Variants in DAAM2 observed in about 807,000 individuals in gnomAD.
DAAM2 encodes disheveled-associated activator of morphogenesis 2.
In DAAM2, 39 loss-of-function variants were observed where a neutral mutation model predicts 120.7. That is an observed-to-expected ratio of 0.32 (90% CI 0.25 to 0.42). The LOEUF is 0.42. Ranked by LOEUF, DAAM2 falls within the 10% of genes least tolerant of loss-of-function variation. DAAM2 has a pLI of 1.00. For missense variants in DAAM2, 1,283 were observed against 1,401.7 expected, an observed-to-expected ratio of 0.92 and a Z score of 1.35; for synonymous variants, 488 against 524.9, an observed-to-expected ratio of 0.93 and a Z score of 0.96.
At chr6:39,895,894 T>G (rs185730239) in intron 19 of DAAM2, among the ~76,000 whole-genome samples, 163 of 152,368 alleles carry the variant, frequency 1.1e-3, no homozygotes, top group Non-Finnish European at 2.5e-4. Flanking sequence ...GCCCAAAGGT[T>G]GGAAAAATCT....
intron 17 of DAAM2, among the ~76,000 whole-genome samples, chr6:39,889,987 G>A (rs1479525154): frequency 6.6e-6 from 1 of 152,122 alleles, no homozygotes; most frequent in Non-Finnish European, 1.5e-5. Context: ...AATTAGCCAG[G>A]TGTGATGGTG....
chr6:39,869,126 G>T (rs1417443249), intron 7 of DAAM2, among the ~76,000 whole-genome samples, 193 bp downstream of exon 7: 1 of 152,144 alleles, frequency 6.6e-6, no homozygotes, highest in Non-Finnish European at 1.5e-5. Flanking sequence ...GGCTCAGGGT[G>T]GCAGAGAATC....
chr6:39,886,917 G>A (rs1389517529), intron 15 of DAAM2: 1 of 157,654 alleles, frequency 6.3e-6, no homozygotes, highest in Non-Finnish European at 1.4e-5. Flanking sequence ...TCTGCCTGCT[G>A]GGACTCAGAG....
At chr6:39,799,795 G>A (rs1007415029) in intron 1 of DAAM2, among the ~76,000 whole-genome samples, 2 of 152,076 alleles carry the variant, frequency 1.3e-5, no homozygotes, top group African/African-American at 4.8e-5. Flanking sequence ...GATATATAAA[G>A]ACAAGTAGAA....
At chr6:39,864,851 A>G (rs1230332634) in intron 4 of DAAM2, 129 bp from the exon 5 acceptor site, 1 of 1,158,004 alleles carries the variant, frequency 8.6e-7, no homozygotes. Flanking sequence ...AGGGGCCGAC[A>G]CTCGGTCTCA....
At position 39,851,018 on chromosome 6, in the gene DAAM2, T is replaced by C. The variant is rs541860828; in HGVS notation, c.-56-5229T>C. On this transcript the variant is annotated intron_variant, in intron 1 of 24. Transcript: ENST00000274867. ...CAGCTGGGTGTCATAGAGCAAGCCATGTAACAGCTCCTGAAGCCTCAATAT... is the reference window on the plus strand; with the variant it reads ...CAGCTGGGTGTCATAGAGCAAGCCACGTAACAGCTCCTGAAGCCTCAATAT... Among the ~76,000 whole-genome samples the C allele has an allele frequency of 3.3e-5, 5 of 152,328 alleles. No individual in the cohort carries two copies. The East Asian group carries it at 9.6e-4, about 29-fold the overall frequency.
chr6:39,868,662 T>G, intron 6 of DAAM2, 161 bp from the exon 7 acceptor site: 2 of 589,420 alleles, frequency 3.4e-6, no homozygotes, highest in East Asian at 2.9e-5. Flanking sequence ...CAGGCAGAGG[T>G]GAGGTTTGGG....
intron 1 of DAAM2, among the ~76,000 whole-genome samples, chr6:39,827,184 C>A (rs1415514323): frequency 1.3e-5 from 2 of 152,116 alleles, no homozygotes; most frequent in African/African-American, 4.8e-5. Context: ...GCTGTGAATT[C>A]GAAAATTGGG....
At chr6:39,809,978 C>T (rs990664949) in intron 1 of DAAM2, among the ~76,000 whole-genome samples, 2 of 152,176 alleles carry the variant, frequency 1.3e-5, no homozygotes, top group African/African-American at 2.4e-5. Flanking sequence ...GAACCTTTGT[C>T]TTTGTGCTCA....
rs1764977208 is a variant in DAAM2 at position 39,878,692 on chromosome 6, G to T, written c.1545+104G>T. 4.1e-6 allele frequency: 5 copies of T among 1,205,554 alleles called. No homozygotes were observed. Among genetic ancestry groups the T allele is most frequent in the Non-Finnish European group, 5.8e-6 (5 of 867,734 alleles). 74.7% of individuals were successfully genotyped at this position (1,205,554 alleles called of 1,614,324 possible). On this transcript the variant is annotated intron_variant, in intron 13 of 24. Transcript: ENST00000274867. This position sits in a 1 kb window ranked among gnomAD's most constrained non-coding sequence, Gnocchi z 5.0. ...AGAGGCCAAGGACCCCAGCATGAGG[G>T]AGAAGGGAGATGGAGACCTTGGGCC...
chr6:39,845,291 C>G (rs1763529436), intron 1 of DAAM2, among the ~76,000 whole-genome samples: 1 of 19,406 alleles, frequency 5.2e-5, no homozygotes, highest in Non-Finnish European at 9.9e-5. Flanking sequence ...CCCATCTATA[C>G]ACACATCACA....
intron 2 of DAAM2, among the ~76,000 whole-genome samples, chr6:39,858,797 A>C (rs935645205): frequency 6.6e-6 from 1 of 152,048 alleles, no homozygotes; most frequent in Non-Finnish European, 1.5e-5. Context: ...AGAGAGTTTG[A>C]GATAATAACT....
In DAAM2 at chr6:39,824,755, G is replaced by A. The variant is rs141997612; in HGVS notation, c.-56-31492G>A. On this transcript the variant is annotated intron_variant, in intron 1 of 24. Coordinates refer to ENST00000274867, the MANE Select transcript of DAAM2 (RefSeq NM_001201427.2). ...TGCCTTCTCGGCAAGAGCAGGTTCC[G>A]CGGAAGTCGCATGGTTGGGAAGCCA... 7.0e-3 allele frequency among the ~76,000 whole-genome samples: 1,066 copies of A among 152,248 alleles called. 20 individuals carry two copies. The highest frequency in any genetic ancestry group is 0.024 in the African/African-American group (1,008 of 41,560).
intron 15 of DAAM2, 165 bp from the exon 16 acceptor site, chr6:39,887,321 T>G: frequency 3.6e-6 from 2 of 562,554 alleles, no homozygotes; most frequent in Non-Finnish European, 6.3e-6. Context: ...TACCGTCTCT[T>G]AAAGTTAGCT....
At chr6:39,866,186 G>GA in intron 5 of DAAM2, among the ~76,000 whole-genome samples, 1 of 152,206 alleles carries the variant, frequency 6.6e-6, no homozygotes, top group South Asian at 2.1e-4. Context: ...TCTGGAATGG[G>GA]AAGGGGATAG....
At chr6:39,793,475 T>C (rs1433627200) in intron 1 of DAAM2, among the ~76,000 whole-genome samples, 5 of 151,904 alleles carry the variant, frequency 3.3e-5, no homozygotes, top group Non-Finnish European at 5.9e-5. Context: ...CTCCACAGTT[T>C]TGGAGTGGAT....
rs1441899671 is a variant in DAAM2 at position 39,865,083 on chromosome 6, GT to G, written c.428+12del. ...CGGACACAGCCTATGAGGTAATTCA[GT>G]TTCCCCCTCTTGCTTCCTGCTGAGT... On this transcript the variant is annotated intron_variant, in intron 5 of 24. Coordinates refer to ENST00000274867, the MANE Select transcript of DAAM2 (RefSeq NM_001201427.2). The G allele has an allele frequency of 2.0e-6, 3 of 1,485,910 alleles. No individual in the cohort carries two copies. The Admixed American group carries it at 5.4e-5, about 27-fold the overall frequency. The allele number at this position is 1,485,910 out of a possible 1,614,324, so 92.0% of individuals were successfully genotyped here. A position where few individuals can be genotyped will look rare whatever the true frequency, so the allele number is the denominator to read the frequency against.
At position 39,888,689 on chromosome 6, in the gene DAAM2, T is replaced by C; in HGVS notation, c.2071T>C (p.Ser691Pro). Residue 691 changes from serine to proline, a missense_variant, in exon 17 of 25, where the codon TCT becomes CCT. Around this residue, in one of 3 missense-constraint regions of DAAM2, gnomAD observed 748 missense variants for 768.6 expected, o/e 0.97. Coordinates refer to ENST00000274867, the MANE Select transcript of DAAM2 (RefSeq NM_001201427.2). ...GGGGTTTTGCCTTAGGTTGAAGCTT[T>C]CTAACGAGGAGATCCGGCAGGCCAT... is the stretch of plus-strand genomic sequence containing the variant. The part of the protein sequence containing the change: ...CIILLSKLKL[S>P]NEEIRQAILK... 6.2e-7 allele frequency: 1 copy of C among 1,613,396 alleles called. No individual in the cohort carries two copies. The highest frequency in any genetic ancestry group is 8.5e-7 in the Non-Finnish European group (1 of 1,179,564).
In DAAM2 at chr6:39,856,297, G is replaced by A; in HGVS notation, c.-6G>A. ...GTCTGCTGACGCCCCCTGGCCTGCA[G>A]TGACCATGGCCCCCCGCAAGAGGAG... On this transcript the variant is annotated 5_prime_UTR_variant, in exon 2 of 25. It adds an upstream start codon to the 5' untranslated region. Coordinates refer to ENST00000274867, the MANE Select transcript of DAAM2 (RefSeq NM_001201427.2). The A allele has an allele frequency of 6.6e-7, 1 of 1,520,860 alleles. No individual in the cohort carries two copies. Among genetic ancestry groups the A allele is most frequent in the Non-Finnish European group, 8.8e-7 (1 of 1,133,734 alleles). The allele number at this position is 1,520,860 out of a possible 1,614,324, so 94.2% of individuals were successfully genotyped here.
Sources: allele counts gnomAD v4.1 joint callset (sites outside exome capture counted in the v4.1 genomes callset), GRCh38; gene constraint gnomAD v4.1.1; regional missense constraint gnomAD v4.1.1; non-coding constraint Gnocchi (gnomAD v3.1); transcripts MANE v1.5; gene names NCBI Gene and HGNC (gene_info 2026-07-23, HGNC 2026-07-21).